Variants in SORCS2 observed in about 807,000 individuals in gnomAD.
SORCS2 encodes the protein VPS10 domain-containing receptor SorCS2.
SORCS2 carries 100 observed loss-of-function variants against 141.6 expected under a neutral mutation model. That is an observed-to-expected ratio of 0.71 (90% CI 0.60 to 0.83). SORCS2 has a LOEUF of 0.83. Ranked by LOEUF, SORCS2 falls within the 40% of genes least tolerant of loss-of-function variation. The probability of loss-of-function intolerance (pLI) is 0.00; values close to 1 mark genes in which losing one functional copy is unlikely to be tolerated. For missense variants in SORCS2, 1,646 were observed against 1,560.2 expected, an observed-to-expected ratio of 1.05 and a Z score of -0.93; for synonymous variants, 789 against 676.9, an observed-to-expected ratio of 1.17 and a Z score of -2.57.
chr4:7,603,475 CCTTT>C (rs1241850590), intron 3 of SORCS2, among the ~76,000 whole-genome samples: 13 of 152,148 alleles, frequency 8.5e-5, no homozygotes, highest in Non-Finnish European at 1.9e-4. Context: ...TCCCTGGCTT[CCTTT>C]GTTTTCAACC....
intron 2 of SORCS2, among the ~76,000 whole-genome samples, chr4:7,464,853 T>C (rs1729520582): frequency 6.6e-6 from 1 of 152,094 alleles, no homozygotes; most frequent in African/African-American, 2.4e-5. Flanking sequence ...GAAATGCAGA[T>C]GGGGAATGGG....
chr4:7,496,860 C>T (rs1577658929), intron 2 of SORCS2, among the ~76,000 whole-genome samples: 1 of 152,170 alleles, frequency 6.6e-6, no homozygotes, highest in South Asian at 2.1e-4. Context: ...GGGCACAACT[C>T]AGCTTATCAA....
At chr4:7,521,932 C>G (rs910954956) in intron 2 of SORCS2, among the ~76,000 whole-genome samples, 6 of 152,210 alleles carry the variant, frequency 3.9e-5, no homozygotes, top group East Asian at 1.9e-4. Flanking sequence ...ATGCCGTAAG[C>G]AGGGGACAAG....
intron 2 of SORCS2, among the ~76,000 whole-genome samples, chr4:7,427,438 G>C (rs1406722245): frequency 6.6e-6 from 1 of 152,222 alleles, no homozygotes; most frequent in African/African-American, 2.4e-5. Flanking sequence ...AGCTTCAGCA[G>C]TGGGAGGATG....
Position 7,487,938 on chromosome 4 carries a change from G to T in SORCS2, c.549-43592G>T, listed in dbSNP as rs141610720. Among the ~76,000 whole-genome samples, 525 of 152,228 alleles carry T rather than the reference G, an allele frequency of 3.4e-3. 2 individuals are homozygous for T. Among genetic ancestry groups the T allele is most frequent in the African/African-American group, 0.012 (510 of 41,568 alleles). The stretch of plus-strand genomic sequence containing the variant: ...CATAGCCTGATGTCTACAAAGGAAC[G>T]AAGGAAGCAGGAATCCGGGGCAGAG... On this transcript the variant is annotated intron_variant, in intron 2 of 26. Transcript: ENST00000507866.
At chr4:7,447,062 C>G (rs780712571) in intron 2 of SORCS2, among the ~76,000 whole-genome samples, 2 of 152,244 alleles carry the variant, frequency 1.3e-5, no homozygotes, top group Non-Finnish European at 2.9e-5. Flanking sequence ...GTCACCTTTA[C>G]TGACAAGTAC....
chr4:7,549,232 T>G (rs1713499488), intron 3 of SORCS2, among the ~76,000 whole-genome samples: 1 of 152,184 alleles, frequency 6.6e-6, no homozygotes, highest in South Asian at 2.1e-4. Flanking sequence ...AAAACATTCC[T>G]TATTTTAGGA....
intron 3 of SORCS2, among the ~76,000 whole-genome samples, chr4:7,561,774 T>C (rs1308508758): frequency 8.8e-6 from 1 of 113,120 alleles, no homozygotes; most frequent in Non-Finnish European, 1.9e-5. Flanking sequence ...AATCCATCTG[T>C]CCATCTGTCC....
intron 14 of SORCS2, among the ~76,000 whole-genome samples, chr4:7,707,988 C>T (rs938247520): frequency 1.3e-5 from 2 of 152,206 alleles, no homozygotes; most frequent in African/African-American, 4.8e-5. Flanking sequence ...GGACTGCACA[C>T]GCTGCACCTT....
intron 8 of SORCS2, among the ~76,000 whole-genome samples, chr4:7,672,847 G>C (rs768946361): frequency 2.7e-4 from 41 of 152,208 alleles, no homozygotes; most frequent in Non-Finnish European, 8.8e-5. Flanking sequence ...TGAGATGCTA[G>C]TGGAATTGTC....
chr4:7,503,334 C>T (rs981218215), intron 2 of SORCS2, among the ~76,000 whole-genome samples: 1 of 152,158 alleles, frequency 6.6e-6, no homozygotes, highest in Non-Finnish European at 1.5e-5. Context: ...ACAGAGTTGT[C>T]TGTAAAAAGT....
chr4:7,572,832 G>A (rs1053931316), intron 3 of SORCS2, among the ~76,000 whole-genome samples: 1 of 152,170 alleles, frequency 6.6e-6, no homozygotes, highest in Admixed American at 6.5e-5. Context: ...AAGCCCCTTG[G>A]TTTGGAAGAC....
rs58327073 is a variant in SORCS2, at chr4:7,416,564, G to GCA, written c.548+20222_548+20223dup. On this transcript the variant is annotated intron_variant, in intron 2 of 26. Transcript: ENST00000507866. ...CCCACACGTGCATGCATGTGCACAT[G>GCA]CACACACACACACATGCAGACACAT... Among the ~76,000 whole-genome samples the GCA allele has an allele frequency of 5.7e-3, 867 of 151,874 alleles. 6 individuals are homozygous for GCA. Among genetic ancestry groups the GCA allele is most frequent in the African/African-American group, 0.018 (727 of 41,434 alleles).
chr4:7,571,310 C>T (rs1305741024), intron 3 of SORCS2, among the ~76,000 whole-genome samples: 3 of 152,208 alleles, frequency 2.0e-5, no homozygotes, highest in Admixed American at 6.5e-5. Flanking sequence ...AGCAGGACCC[C>T]TGTGCCCGGT....
intron 11 of SORCS2, among the ~76,000 whole-genome samples, chr4:7,695,576 ATGGATGGATTGGTGGGTGGGTGGG>A (rs1724584516): frequency 5.1e-4 from 13 of 25,416 alleles, no homozygotes; most frequent in Non-Finnish European, 8.0e-4. Flanking sequence ...GGATGGATGG[ATGGATGGATTGGTGGGTGGGTGGG>A]TGGATGGATG....
intron 4 of SORCS2, among the ~76,000 whole-genome samples, chr4:7,643,074 G>A (rs905028691): frequency 1.1e-4 from 16 of 152,026 alleles, no homozygotes; most frequent in African/African-American, 2.4e-4. Flanking sequence ...CCATACGCCC[G>A]CCCTGCCTCC....
intron 2 of SORCS2, among the ~76,000 whole-genome samples, chr4:7,500,448 G>A (rs930483895): frequency 6.6e-6 from 1 of 152,150 alleles, no homozygotes; most frequent in Non-Finnish European, 1.5e-5. Flanking sequence ...CTGCTTTTCT[G>A]TGGGTGCTAC....
chr4:7,238,129 G>A (rs1042890619), intron 1 of SORCS2, among the ~76,000 whole-genome samples: 4 of 152,286 alleles, frequency 2.6e-5, no homozygotes, highest in South Asian at 2.1e-4. Context: ...AAGAGGCCAC[G>A]TTTGCAGAGG....
chr4:7,494,680 G>A (rs191928114), intron 2 of SORCS2, among the ~76,000 whole-genome samples: 62 of 152,332 alleles, frequency 4.1e-4, no homozygotes, highest in Admixed American at 3.5e-3. Context: ...TGCATTCTGG[G>A]AGGCTACAAA....
Sources: allele counts gnomAD v4.1 joint callset (sites outside exome capture counted in the v4.1 genomes callset), GRCh38; gene constraint gnomAD v4.1.1; transcripts MANE v1.5; gene names NCBI Gene and HGNC (gene_info 2026-07-23, HGNC 2026-07-21).